The following NRXN3 variants were observed in gnomAD, a reference collection of about 807,000 sequenced individuals.
NRXN3 encodes neurexin III.
NRXN3 carries 32 observed loss-of-function variants against 137.6 expected under a neutral mutation model. The observed-to-expected ratio is 0.23, with a 90% CI of 0.18 to 0.31. NRXN3 has a LOEUF of 0.31. NRXN3 is among the 10% of genes least tolerant of loss of function. The pLI, the probability that NRXN3 is intolerant of heterozygous loss-of-function variation, is 1.00. For missense variants in NRXN3, 1,574 were observed against 2,062.5 expected (o/e 0.76, Z 4.59); for synonymous variants, 798 against 784.5 (o/e 1.02, Z -0.29).
At chr14:79,475,607 C>G (rs976340613) in intron 16 of NRXN3, among the ~76,000 whole-genome samples, 1 of 152,072 alleles carries the variant, frequency 6.6e-6, no homozygotes, top group African/African-American at 2.4e-5. Context: ...GTTTTCTACT[C>G]ATTATGAGGT....
intron 15 of NRXN3, among the ~76,000 whole-genome samples, chr14:79,135,572 G>C (rs28512269): frequency 0.016 from 2,397 of 152,230 alleles, 66 homozygotes; most frequent in African/African-American, 0.055. Context: ...AGACCACTAA[G>C]AGGGGTTTCT....
At chr14:79,773,577 A>G (rs986603761) in intron 19 of NRXN3, among the ~76,000 whole-genome samples, 1 of 138,634 alleles carries the variant, frequency 7.2e-6, no homozygotes, top group African/African-American at 2.7e-5. Flanking sequence ...GAATTGAACA[A>G]TGAGAACACA....
intron 15 of NRXN3, among the ~76,000 whole-genome samples, chr14:79,056,001 C>T (rs545486319): frequency 3.3e-5 from 5 of 152,072 alleles, no homozygotes; most frequent in Admixed American, 2.0e-4. Flanking sequence ...TTAAAGAAGC[C>T]GAATTATATG....
chr14:79,396,005 CAT>C (rs531718692), intron 15 of NRXN3, among the ~76,000 whole-genome samples: 153 of 152,216 alleles, frequency 1.0e-3, no homozygotes, highest in Admixed American at 2.2e-3. Flanking sequence ...AATTTGCACA[CAT>C]ATATACATGC....
intron 16 of NRXN3, among the ~76,000 whole-genome samples, chr14:79,555,748 T>A (rs1322278872): frequency 6.6e-6 from 1 of 152,178 alleles, no homozygotes; most frequent in Non-Finnish European, 1.5e-5. Flanking sequence ...ATTATGTTTG[T>A]CTTCATTTCA....
At chr14:78,362,531 C>A (rs2085285270) in intron 4 of NRXN3, among the ~76,000 whole-genome samples, 1 of 152,108 alleles carries the variant, frequency 6.6e-6, no homozygotes, top group African/African-American at 2.4e-5. Context: ...TCAGACACAA[C>A]CTGTTCTTAA....
At chr14:78,510,091 T>C (rs1306675685) in intron 4 of NRXN3, among the ~76,000 whole-genome samples, 1 of 150,506 alleles carries the variant, frequency 6.6e-6, no homozygotes, top group African/African-American at 2.5e-5. Flanking sequence ...ATTAGTAACA[T>C]ACTAGTTGCA....
chr14:79,527,509 T>G (rs149490373), intron 16 of NRXN3, among the ~76,000 whole-genome samples: 56 of 152,054 alleles, frequency 3.7e-4, no homozygotes, highest in Non-Finnish European at 7.4e-4. Context: ...CAATCAATTA[T>G]ATAGGGAAAG....
intron 4 of NRXN3, among the ~76,000 whole-genome samples, chr14:78,644,599 A>G (rs2097668299): frequency 6.6e-6 from 1 of 152,130 alleles, no homozygotes; most frequent in Admixed American, 6.5e-5. Flanking sequence ...GGGGCTTAGG[A>G]CTGTATTATA....
chr14:79,777,038 T>G (rs913913123), intron 19 of NRXN3, among the ~76,000 whole-genome samples: 52 of 152,148 alleles, frequency 3.4e-4, no homozygotes, highest in Admixed American at 3.4e-3. Context: ...AGGTTGTTCT[T>G]GTCAGGAAGG....
At chr14:78,661,685 T>C (rs149018707) in intron 6 of NRXN3, among the ~76,000 whole-genome samples, 316 of 152,354 alleles carry the variant, frequency 2.1e-3, no homozygotes, top group African/African-American at 7.5e-3. Context: ...AAGCAGGCTC[T>C]GGAGTTAGAG....
intron 19 of NRXN3, among the ~76,000 whole-genome samples, chr14:79,708,945 A>ATATC (rs1009142244): frequency 4.6e-5 from 7 of 152,022 alleles, no homozygotes; most frequent in Non-Finnish European, 8.8e-5. Context: ...GCAACCTCTT[A>ATATC]TATCTCTGGC....
At chr14:79,307,545 G>C (rs1364375751) in intron 15 of NRXN3, among the ~76,000 whole-genome samples, 1 of 151,996 alleles carries the variant, frequency 6.6e-6, no homozygotes, top group Non-Finnish European at 1.5e-5. Flanking sequence ...CTGGGCTCAG[G>C]GTCTCTTATG....
chr14:79,407,171 A>T (rs991644593), intron 15 of NRXN3, among the ~76,000 whole-genome samples: 6 of 152,134 alleles, frequency 3.9e-5, no homozygotes, highest in Non-Finnish European at 8.8e-5. Context: ...CAGACACAAA[A>T]AAAGGTTTTA....
chr14:79,787,449 A>G (rs2099132538), intron 19 of NRXN3, among the ~76,000 whole-genome samples: 1 of 152,186 alleles, frequency 6.6e-6, no homozygotes, highest in Admixed American at 6.5e-5. Flanking sequence ...GAAATAGGCA[A>G]TTCATTATTA....
At chr14:79,063,678 A>T (rs1174040466) in intron 15 of NRXN3, among the ~76,000 whole-genome samples, 1 of 152,204 alleles carries the variant, frequency 6.6e-6, no homozygotes, top group Non-Finnish European at 1.5e-5. Flanking sequence ...TGTGCCATGA[A>T]CAAAGTTATG....
At position 79,813,427 on chromosome 14, in the gene NRXN3, T is replaced by C. The variant is rs11848571; in HGVS notation, c.4093+8237T>C. ...CTTGTGCCGCATGAATTTTTGGTGG[T>C]TCAATTTATTTTGTTTTCATATTTA... On this transcript the variant is annotated intron_variant, in intron 20 of 20. Transcript: ENST00000335750. Among the ~76,000 whole-genome samples, 1,140 of 152,310 alleles carry C rather than the reference T, an allele frequency of 7.5e-3. 13 individuals are homozygous for C. The highest frequency in any genetic ancestry group is 0.026 in the African/African-American group (1,082 of 41,560).
chr14:78,171,962 A>G (rs1244382743), intron 1 of NRXN3, among the ~76,000 whole-genome samples: 2 of 152,156 alleles, frequency 1.3e-5, no homozygotes, highest in Non-Finnish European at 2.9e-5. Flanking sequence ...AGATAGAGTC[A>G]GGGCAAATAA....
chr14:78,427,024 A>T (rs1287655724), intron 4 of NRXN3, among the ~76,000 whole-genome samples: 1 of 152,044 alleles, frequency 6.6e-6, no homozygotes, highest in African/African-American at 2.4e-5. Flanking sequence ...TGGGAGGAGA[A>T]AAATGTTTTT....
Sources: allele counts gnomAD v4.1 joint callset (sites outside exome capture counted in the v4.1 genomes callset), GRCh38; gene constraint gnomAD v4.1.1; transcripts MANE v1.5; gene names NCBI Gene and HGNC (gene_info 2026-07-23, HGNC 2026-07-21).